ZFHX3: variants seen among roughly 807,000 people sequenced by gnomAD.
ZFHX3 encodes the protein zinc finger homeobox protein 3.
ZFHX3 carries 42 observed loss-of-function variants against 279.1 expected under a neutral mutation model. The ratio of observed to expected loss-of-function variants is 0.15; its 90% CI spans 0.12 to 0.19. ZFHX3 has a LOEUF of 0.19. ZFHX3 is among the 10% of genes least tolerant of loss of function. The pLI, the probability that ZFHX3 is intolerant of heterozygous loss-of-function variation, is 1.00. For missense variants in ZFHX3, 4,981 were observed against 4,754.0 expected (o/e 1.05, Z -1.40); for synonymous variants, 2,293 against 1,957.8 (o/e 1.17, Z -4.52).
intron 1 of ZFHX3, among the ~76,000 whole-genome samples, chr16:73,803,538 C>A (rs1308139408): frequency 1.3e-5 from 2 of 152,148 alleles, no homozygotes; most frequent in Non-Finnish European, 2.9e-5. Context: ...GCCTATTGAA[C>A]AGAACAGAAG....
chr16:73,300,280 A>C (rs888559136), intron 4 of ZFHX3, among the ~76,000 whole-genome samples: 10 of 150,446 alleles, frequency 6.6e-5, no homozygotes, highest in Admixed American at 3.3e-4. Flanking sequence ...AAAAAAAAAA[A>C]AAAAGGACTC....
chr16:73,775,555 G>A (rs760982918), intron 1 of ZFHX3, among the ~76,000 whole-genome samples: 1 of 152,102 alleles, frequency 6.6e-6, no homozygotes, highest in African/African-American at 2.4e-5. Context: ...GTTTGGCCGT[G>A]TGCTGAGCCC....
At chr16:73,685,278 C>T (rs62042367) in intron 1 of ZFHX3, among the ~76,000 whole-genome samples, 23,405 of 150,010 alleles carry the variant, frequency 0.16, 2,138 homozygotes, top group South Asian at 0.2. Flanking sequence ...AGCCTCCCAA[C>T]GTGCTGGGAT....
chr16:73,004,409 A>T (rs1448141162), intron 1 of ZFHX3, among the ~76,000 whole-genome samples: 1 of 142,590 alleles, frequency 7.0e-6, no homozygotes, highest in African/African-American at 2.6e-5. Flanking sequence ...GCTCACTGCA[A>T]CCTCTGCCTT....
At chr16:73,092,801 C>T (rs1966103008) in intron 8 of ZFHX3, 1 of 401,478 alleles carries the variant, frequency 2.5e-6, no homozygotes, top group Non-Finnish European at 4.8e-6. Flanking sequence ...TTGGGGCATC[C>T]TGTGCTCTCC....
chr16:73,383,509 G>T, intron 3 of ZFHX3, among the ~76,000 whole-genome samples: 1 of 152,220 alleles, frequency 6.6e-6, no homozygotes, highest in East Asian at 1.9e-4. Flanking sequence ...AGAGCTGCCG[G>T]GGAGAGGCAG....
chr16:73,313,671 A>G (rs1374181324), intron 4 of ZFHX3, among the ~76,000 whole-genome samples: 1 of 152,154 alleles, frequency 6.6e-6, no homozygotes, highest in Non-Finnish European at 1.5e-5. Flanking sequence ...CATCACTGTC[A>G]TTTTCCCAGT....
chr16:73,003,290 G>C (rs1053292679), intron 1 of ZFHX3, among the ~76,000 whole-genome samples: 1 of 151,082 alleles, frequency 6.6e-6, no homozygotes, highest in Non-Finnish European at 1.5e-5. Context: ...GTCCTGATCC[G>C]GGTATTAGAC....
chr16:73,444,649 T>C (rs1403289570), intron 3 of ZFHX3, among the ~76,000 whole-genome samples: 1 of 152,216 alleles, frequency 6.6e-6, no homozygotes, highest in African/African-American at 2.4e-5. Flanking sequence ...TGAGCACATT[T>C]ATGTGAGTGG....
At chr16:73,092,809 T>C in intron 8 of ZFHX3, 1 of 415,528 alleles carries the variant, frequency 2.4e-6, no homozygotes, top group Non-Finnish European at 4.7e-6. Flanking sequence ...TCCTGTGCTC[T>C]CCACTGCCCT....
At chr16:73,325,884 T>C (rs939272060) in intron 3 of ZFHX3, among the ~76,000 whole-genome samples, 3 of 126,540 alleles carry the variant, frequency 2.4e-5, no homozygotes, top group Non-Finnish European at 3.6e-5. Context: ...GAGTTTGGTC[T>C]AATAATACAC....
chr16:72,794,030 A>G lies in ZFHX3; in HGVS notation c.8652T>C (p.Ser2884=), dbSNP rs554858654. ...GLTKAAMMAM[S]EYEDRLSSGL... is the part of the protein sequence containing the mutation. ...CAGATGACAACCGATCTTCATACTC[A>G]GACATTGCCATCATGGCCGCTTTGG... is the stretch of plus-strand genomic sequence containing the variant. The change falls in exon 9 of 10, where the codon TCT becomes TCC. Residue 2884 remains serine, a synonymous_variant. Transcript: ENST00000268489. This position sits in a 1 kb window ranked among gnomAD's most constrained non-coding sequence, Gnocchi z 4.2. 1.2e-6 allele frequency: 2 copies of G among 1,614,194 alleles called. No homozygotes were observed. The highest frequency in any genetic ancestry group is 1.7e-6 in the Non-Finnish European group (2 of 1,180,032).
At chr16:72,978,745 C>T (rs955838602) in intron 1 of ZFHX3, among the ~76,000 whole-genome samples, 4 of 152,192 alleles carry the variant, frequency 2.6e-5, no homozygotes, top group Admixed American at 2.0e-4. Context: ...ATCTCCACAG[C>T]CCCTTGGGAT....
intron 3 of ZFHX3, among the ~76,000 whole-genome samples, chr16:72,924,926 G>A (rs1171931972): frequency 2.0e-5 from 3 of 151,972 alleles, no homozygotes; most frequent in Admixed American, 1.3e-4. Context: ...TTACAGAAAC[G>A]CACCTATAGA....
chr16:73,416,618 A>C (rs1339317758), intron 3 of ZFHX3, among the ~76,000 whole-genome samples: 1 of 152,170 alleles, frequency 6.6e-6, no homozygotes, highest in East Asian at 1.9e-4. Flanking sequence ...TCACGCCTGT[A>C]ATCCCAGCAC....
intron 1 of ZFHX3, among the ~76,000 whole-genome samples, chr16:73,735,009 C>T (rs990029214): frequency 6.6e-6 from 1 of 152,032 alleles, no homozygotes; most frequent in Non-Finnish European, 1.5e-5. Flanking sequence ...ATACAACAGA[C>T]AACTTGAAGA....
At chr16:73,158,455 C>T (rs766351114) in intron 5 of ZFHX3, among the ~76,000 whole-genome samples, 1 of 152,138 alleles carries the variant, frequency 6.6e-6, no homozygotes, top group Non-Finnish European at 1.5e-5. Flanking sequence ...CCTTCCCCCT[C>T]CCTTCTCTTT....
intron 4 of ZFHX3, among the ~76,000 whole-genome samples, chr16:72,849,905 A>AAAAAAAAAAAAAAAAAAAAAC (rs2037572435): frequency 7.3e-6 from 1 of 136,344 alleles, no homozygotes; most frequent in Non-Finnish European, 1.5e-5. Flanking sequence ...AAAAAAAAAA[A>AAAAAAAAAAAAAAAAAAAAAC]AATTCACACC....
At chr16:73,230,075 A>G (rs1449320239) in intron 5 of ZFHX3, among the ~76,000 whole-genome samples, 35 of 152,364 alleles carry the variant, frequency 2.3e-4, no homozygotes. Flanking sequence ...GACAGATAAT[A>G]GAAAGATATT....
Sources: gnomAD v4.1 joint callset for allele counts (sites outside exome capture counted in the v4.1 genomes callset) on GRCh38, gnomAD v4.1.1 for gene constraint, Gnocchi (gnomAD v3.1) non-coding constraint, MANE v1.5 for transcripts, NCBI Gene and HGNC (gene_info 2026-07-23, HGNC 2026-07-21) for gene names.